KIF23: variants seen among roughly 807,000 people sequenced by gnomAD.
The protein encoded by KIF23 is kinesin-like protein KIF23.
KIF23 carries 30 observed loss-of-function variants against 137.5 expected under a neutral mutation model. The ratio of observed to expected loss-of-function variants is 0.22; its 90% CI spans 0.16 to 0.30. The LOEUF is 0.30. Ranked by LOEUF, KIF23 falls within the 10% of genes least tolerant of loss-of-function variation. KIF23 has a pLI of 1.00. For missense variants in KIF23, 920 were observed against 1,194.3 expected, an observed-to-expected ratio of 0.77 and a Z score of 3.38; for synonymous variants, 367 against 391.1, an observed-to-expected ratio of 0.94 and a Z score of 0.73.
At chr15:69,432,902 T>C (rs924503862) in intron 11 of KIF23, among the ~76,000 whole-genome samples, 2 of 152,236 alleles carry the variant, frequency 1.3e-5, no homozygotes, top group South Asian at 4.1e-4. Context: ...ACTAATGCTG[T>C]GGTTTTTGGC....
rs1158012297 is a variant in KIF23 at position 69,436,465 on chromosome 15, A to G, written c.1439-99A>G. The G allele has an allele frequency of 4.2e-6, 5 of 1,202,590 alleles. No individual in the cohort carries two copies. The African/African-American group carries it at 6.1e-5, about 15-fold the overall frequency. The allele number at this position is 1,202,590 out of a possible 1,614,324, so 74.5% of individuals were successfully genotyped here. Reference sequence around the variant, plus strand: ...ACTTATGTCAGCTCAAGAAATTGCAATGGTTAGTTGCACTGGGGCTGTATG... The same window carrying G: ...ACTTATGTCAGCTCAAGAAATTGCAGTGGTTAGTTGCACTGGGGCTGTATG... On this transcript the variant is annotated intron_variant, in intron 14 of 23. Transcript: ENST00000679126.
At position 69,443,326 on chromosome 15, in the gene KIF23, G is replaced by GTT. The variant is rs10538305; in HGVS notation, c.2422-1435_2422-1434dup. Among the ~76,000 whole-genome samples the GTT allele has an allele frequency of 1.3e-3, 74 of 58,600 alleles. 4 individuals carry two copies. Among genetic ancestry groups the GTT allele is most frequent in the East Asian group, 5.7e-3 (11 of 1,918 alleles). The allele number at this position is 58,600 out of a possible 152,430, so 38.4% of individuals were successfully genotyped here. On this transcript the variant is annotated intron_variant, in intron 19 of 23. Transcript: ENST00000679126. ...ATTTGCTTTCAGTTTTGTTTTTTGG[G>GTT]TTTTTTTTTTTTTTTTTTTTTTTTT...
chr15:69,427,319 ACT>A (rs2057224017), intron 10 of KIF23: 2 of 446,476 alleles, frequency 4.5e-6, no homozygotes, highest in South Asian at 1.6e-5. Context: ...CCAAGGGATG[ACT>A]CTGTATGTAG....
At chr15:69,430,717 G>T (rs546453656) in intron 11 of KIF23, among the ~76,000 whole-genome samples, 2 of 152,144 alleles carry the variant, frequency 1.3e-5, no homozygotes, top group Non-Finnish European at 2.9e-5. Flanking sequence ...GCAAGGCAAG[G>T]TCATGAAGAC....
chr15:69,436,538 TTGTAATTTTC>T lies in KIF23; in HGVS notation c.1439-24_1439-15del. ...AGCTCTTTCTCTCCTATGTAACTTTTTGTAATTTTCTATAATTCAATACAGAACCATTGGT... is the reference window on the plus strand; with the variant it reads ...AGCTCTTTCTCTCCTATGTAACTTTTTATAATTCAATACAGAACCATTGGT... On this transcript the variant is annotated splice_polypyrimidine_tract_variant and intron_variant, in intron 14 of 23. Coordinates refer to ENST00000679126, the MANE Select transcript of KIF23 (RefSeq NM_001367805.3). The T allele has an allele frequency of 6.3e-7, 1 of 1,575,818 alleles. No homozygotes were observed. Among genetic ancestry groups the T allele is most frequent in the South Asian group, 1.2e-5 (1 of 85,910 alleles).
At chr15:69,434,269 A>T (rs2057420271) in intron 11 of KIF23, among the ~76,000 whole-genome samples, 1 of 152,236 alleles carries the variant, frequency 6.6e-6, no homozygotes, top group Non-Finnish European at 1.5e-5. Flanking sequence ...GAAGTACTTT[A>T]CTTTGGCTTT....
At chr15:69,431,821 T>C (rs1355141879) in intron 11 of KIF23, among the ~76,000 whole-genome samples, 1 of 152,136 alleles carries the variant, frequency 6.6e-6, no homozygotes, top group East Asian at 1.9e-4. Flanking sequence ...ATATGTACAT[T>C]AGAAGATAGT....
chr15:69,443,326 GTTTTTTTTTTTT>G (rs10538305), intron 19 of KIF23, among the ~76,000 whole-genome samples: 10 of 58,588 alleles, frequency 1.7e-4, no homozygotes, highest in African/African-American at 4.7e-4. Context: ...TGTTTTTTGG[GTTTTTTTTTTTT>G]TTTTTTTTTT....
At chr15:69,445,600 T>C (rs2057724231) in intron 20 of KIF23, among the ~76,000 whole-genome samples, 2 of 152,196 alleles carry the variant, frequency 1.3e-5, no homozygotes, top group South Asian at 4.1e-4. Flanking sequence ...GTTTTTGTTC[T>C]TATTATAATT....
At chr15:69,441,282 G>A (rs943679871) in intron 19 of KIF23, among the ~76,000 whole-genome samples, 5 of 152,152 alleles carry the variant, frequency 3.3e-5, no homozygotes, top group Non-Finnish European at 7.4e-5. Flanking sequence ...ATCTGGCAGC[G>A]GAAGTGTGTT....
chr15:69,441,066 A>G lies in KIF23; in HGVS notation c.2408A>G (p.Asp803Gly). 6.2e-7 allele frequency: 1 copy of G among 1,610,906 alleles called. No homozygotes were observed. The highest frequency in any genetic ancestry group is 8.5e-7 in the Non-Finnish European group (1 of 1,177,454). Residue 803 changes from aspartate (D) to glycine (G), a missense_variant, in exon 19 of 24, where the codon GAT becomes GGT. Asp to Gly is a moderately conservative substitution (Grantham distance 94). Transcript: ENST00000679126. ...TFRNEIEIEE[D>G]HCGRLLFQPD... is the part of the protein sequence containing the mutation. ...AGAAATGAGATAGAAATAGAAGAGGATCATTGCGGCAGGGTTAGTGCCAGT... is the reference window on the plus strand; with the variant it reads ...AGAAATGAGATAGAAATAGAAGAGGGTCATTGCGGCAGGGTTAGTGCCAGT...
At chr15:69,416,192 A>T (rs1196239250) in intron 2 of KIF23, 129 bp downstream of exon 2, 2 of 549,380 alleles carry the variant, frequency 3.6e-6, no homozygotes, top group Non-Finnish European at 6.2e-6. Flanking sequence ...ACATTTAGTT[A>T]AATGGATGTA....
In KIF23 at chr15:69,436,651, C is replaced by A; in HGVS notation, c.1526C>A (p.Pro509Gln). Residue 509 changes from proline (P) to glutamine (Q), a missense_variant, in exon 15 of 24, where the codon CCA becomes CAA. Coordinates refer to ENST00000679126, the MANE Select transcript of KIF23 (RefSeq NM_001367805.3). The part of the protein sequence containing the change: ...ILDINDEQTL[P>Q]RLIEALEKRH... ...GATATCAACGATGAGCAGACACTTC[C>A]AAGGCTGATTGAAGCCTTAGAGAAA... 6.2e-7 allele frequency: 1 copy of A among 1,610,554 alleles called. No individual in the cohort carries two copies. The highest frequency in any genetic ancestry group is 8.5e-7 in the Non-Finnish European group (1 of 1,177,404).
At chr15:69,432,626 A>G (rs959135118) in intron 11 of KIF23, among the ~76,000 whole-genome samples, 9 of 152,122 alleles carry the variant, frequency 5.9e-5, no homozygotes, top group African/African-American at 2.2e-4. Context: ...GGTGAAGCCT[A>G]TGGACCCTTC....
Position 69,441,772 on chromosome 15 carries a change from CT to C in KIF23, c.2421+706del, listed in dbSNP as rs1235466537. Among the ~76,000 whole-genome samples, 487 of 142,114 alleles carry C rather than the reference CT, an allele frequency of 3.4e-3. 2 individuals carry two copies. The highest frequency in any genetic ancestry group is 0.027 in the East Asian group (131 of 4,898). 93.2% of individuals were successfully genotyped at this position (142,114 alleles called of 152,430 possible). ...TTGTCCCAAAATTGGATTGGCTTTT[CT>C]TTTTTTTTTTTTAAAGACAGAGTCT... On this transcript the variant is annotated intron_variant, in intron 19 of 23. Coordinates refer to ENST00000679126, the MANE Select transcript of KIF23 (RefSeq NM_001367805.3).
intron 11 of KIF23, among the ~76,000 whole-genome samples, chr15:69,429,421 T>C (rs2057294880): frequency 6.6e-6 from 1 of 152,162 alleles, no homozygotes; most frequent in Admixed American, 6.5e-5. Context: ...TCTCCCATTG[T>C]AACCTTCTGA....
At chr15:69,442,676 CA>C (rs2057649332) in intron 19 of KIF23, among the ~76,000 whole-genome samples, 1 of 152,222 alleles carries the variant, frequency 6.6e-6, no homozygotes, top group African/African-American at 2.4e-5. Context: ...CAACTCTAGT[CA>C]GTCATTTTAT....
chr15:69,426,502 T>G (rs1197757824), intron 10 of KIF23, 45 bp downstream of exon 10: 2 of 1,592,290 alleles, frequency 1.3e-6, no homozygotes, highest in South Asian at 2.3e-5. Flanking sequence ...AACTCTATCC[T>G]TAATTTTTGG....
intron 5 of KIF23, 31 bp from the exon 6 acceptor site, chr15:69,422,293 GGT>G (rs747296665): frequency 2.3e-5 from 33 of 1,439,482 alleles, no homozygotes; most frequent in Non-Finnish European, 3.2e-5. Context: ...TAAAAAACGT[GGT>G]GTGATTTTTT....
Sources: allele counts gnomAD v4.1 joint callset (sites outside exome capture counted in the v4.1 genomes callset), GRCh38; gene constraint gnomAD v4.1.1; transcripts MANE v1.5; gene names NCBI Gene and HGNC (gene_info 2026-07-23, HGNC 2026-07-21).